NLGN1: variants seen among roughly 807,000 people sequenced by gnomAD.
NLGN1 encodes neuroligin-1.
A neutral mutation model predicts 65.5 loss-of-function variants in NLGN1; 12 were observed. That is an observed-to-expected ratio of 0.18 (90% confidence interval 0.12 to 0.30). The LOEUF (loss-of-function observed/expected upper bound fraction) is 0.30. Ranked by LOEUF, NLGN1 falls within the 10% of genes least tolerant of loss-of-function variation. NLGN1 has a pLI of 1.00. For synonymous variants in NLGN1, 350 were observed against 359.5 expected (o/e 0.97, Z 0.30); for missense variants, 750 against 1,007.1 (o/e 0.74, Z 3.46).
At chr3:174,019,575 G>A (rs1727315668) in intron 4 of NLGN1, among the ~76,000 whole-genome samples, 1 of 152,090 alleles carries the variant, frequency 6.6e-6, no homozygotes, top group South Asian at 2.1e-4. Context: ...ATATTTTGTT[G>A]CAAGTAAATA....
intron 4 of NLGN1, among the ~76,000 whole-genome samples, chr3:174,095,042 A>G (rs1048494042): frequency 1.3e-5 from 2 of 152,108 alleles, no homozygotes; most frequent in African/African-American, 4.8e-5. Flanking sequence ...CAGGGCATTT[A>G]TGAAAGAAAA....
intron 4 of NLGN1, among the ~76,000 whole-genome samples, chr3:174,172,299 C>A (rs1728694073): frequency 6.6e-6 from 1 of 151,968 alleles, no homozygotes; most frequent in African/African-American, 2.4e-5. Context: ...TACCAACAAT[C>A]CAATTACACT....
chr3:173,829,541 G>A (rs775399408), intron 4 of NLGN1, among the ~76,000 whole-genome samples: 4 of 126,210 alleles, frequency 3.2e-5, no homozygotes, highest in Admixed American at 8.4e-5. Context: ...AATTTCATGT[G>A]TGGAGTGTGT....
intron 3 of NLGN1, among the ~76,000 whole-genome samples, chr3:173,714,892 C>T (rs1769590167): frequency 6.6e-6 from 1 of 152,066 alleles, no homozygotes; most frequent in African/African-American, 2.4e-5. Context: ...GGAGGTTAGA[C>T]TTTCAGGGAT....
chr3:173,994,974 T>C (rs559388527), intron 4 of NLGN1, among the ~76,000 whole-genome samples: 2 of 152,142 alleles, frequency 1.3e-5, no homozygotes, highest in Admixed American at 6.6e-5. Flanking sequence ...ATAAAAAAAA[T>C]GGTTGTCAGT....
chr3:174,109,609 C>T (rs78186968), intron 4 of NLGN1, among the ~76,000 whole-genome samples: 3,055 of 151,976 alleles, frequency 0.02, 98 homozygotes, highest in African/African-American at 0.07. Flanking sequence ...ATAACTCCAT[C>T]GAGAAATTAA....
chr3:173,477,862 C>T (rs906718079), intron 2 of NLGN1, among the ~76,000 whole-genome samples: 23 of 152,150 alleles, frequency 1.5e-4, no homozygotes, highest in Non-Finnish European at 2.9e-4. Flanking sequence ...GATACCATCT[C>T]ACACCAGTCA....
intron 2 of NLGN1, among the ~76,000 whole-genome samples, chr3:173,505,188 A>G (rs1327255237): frequency 6.6e-6 from 1 of 151,938 alleles, no homozygotes; most frequent in East Asian, 1.9e-4. Flanking sequence ...CAACTTTTTC[A>G]TCTTCTTTAT....
chr3:174,272,521 T>G (rs1049117934), intron 4 of NLGN1, among the ~76,000 whole-genome samples: 6 of 151,776 alleles, frequency 4.0e-5, no homozygotes, highest in Non-Finnish European at 5.9e-5. Flanking sequence ...CTACCAGGTC[T>G]GAAGACATGT....
intron 4 of NLGN1, among the ~76,000 whole-genome samples, chr3:173,941,748 A>G (rs1416879669): frequency 6.6e-6 from 1 of 151,964 alleles, no homozygotes; most frequent in African/African-American, 2.4e-5. Context: ...TTATAGGAAA[A>G]CAAACTGAAG....
chr3:173,478,050 A>T (rs28697030), intron 2 of NLGN1, among the ~76,000 whole-genome samples: 1,608 of 152,334 alleles, frequency 0.011, 30 homozygotes, highest in African/African-American at 0.037. Flanking sequence ...ATCCCATTAA[A>T]GGGTGTATAC....
rs554178195 is a variant in NLGN1 at position 173,978,769 on chromosome 3, G to T, written c.646+170937G>T. On this transcript the variant is annotated intron_variant, in intron 4 of 6. Transcript: ENST00000457714. The stretch of plus-strand genomic sequence containing the variant: ...CCAGCATTTTGAGAGGCCTAGGTGG[G>T]TGGATCACTTGAGGTCAGAAGTTCG... 3.3e-5 allele frequency among the ~76,000 whole-genome samples: 5 copies of T among 151,126 alleles called. No homozygotes were observed. In the East Asian group the frequency reaches 9.8e-4, roughly 30 times the overall value.
intron 4 of NLGN1, among the ~76,000 whole-genome samples, chr3:174,026,725 G>T (rs984347344): frequency 1.3e-5 from 2 of 152,112 alleles, no homozygotes; most frequent in Non-Finnish European, 2.9e-5. Context: ...TATGTCCCAT[G>T]CACTATTAGG....
chr3:174,040,491 T>C (rs1344059616), intron 4 of NLGN1, among the ~76,000 whole-genome samples: 1 of 152,126 alleles, frequency 6.6e-6, no homozygotes, highest in Non-Finnish European at 1.5e-5. Flanking sequence ...AAGACCAAAT[T>C]TGTGTAGGGC....
intron 4 of NLGN1, among the ~76,000 whole-genome samples, chr3:174,077,597 C>T (rs1046313617): frequency 2.6e-5 from 4 of 151,548 alleles, no homozygotes; most frequent in Non-Finnish European, 4.4e-5. Context: ...TCTCTCTGTC[C>T]CAGGCTGGAG....
chr3:173,481,023 TTAGA>T (rs908645914), intron 2 of NLGN1, among the ~76,000 whole-genome samples: 2 of 152,070 alleles, frequency 1.3e-5, no homozygotes, highest in African/African-American at 4.8e-5. Flanking sequence ...AAATATGCCT[TTAGA>T]TAGATATAAT....
chr3:173,597,235 C>T (rs1198455639), intron 2 of NLGN1, among the ~76,000 whole-genome samples: 1 of 152,164 alleles, frequency 6.6e-6, no homozygotes, highest in Non-Finnish European at 1.5e-5. Context: ...GTTAGGCAGT[C>T]TTGGGTTTGT....
At chr3:174,118,088 T>G (rs1001617626) in intron 4 of NLGN1, among the ~76,000 whole-genome samples, 13 of 152,224 alleles carry the variant, frequency 8.5e-5, no homozygotes, top group Admixed American at 2.6e-4. Flanking sequence ...CCAGTCATTT[T>G]TCTCTCTTAT....
chr3:174,165,260 C>T (rs1287526451), intron 4 of NLGN1, among the ~76,000 whole-genome samples: 1 of 152,040 alleles, frequency 6.6e-6, no homozygotes, highest in African/African-American at 2.4e-5. Flanking sequence ...TGAGAATGGA[C>T]ATCCTTGTCT....
Sources: gnomAD v4.1 joint callset for allele counts (sites outside exome capture counted in the v4.1 genomes callset) on GRCh38, gnomAD v4.1.1 for gene constraint, MANE v1.5 for transcripts, NCBI Gene and HGNC (gene_info 2026-07-23, HGNC 2026-07-21) for gene names.